ANTXRL: variants seen among roughly 807,000 people sequenced by gnomAD.
ANTXRL encodes anthrax toxin receptor-like.
ANTXRL carries 63 observed loss-of-function variants against 75.4 expected under a neutral mutation model. The observed-to-expected ratio is 0.84, with a 90% confidence interval of 0.68 to 1.03. ANTXRL has a LOEUF of 1.03. Among genes scored for constraint, ANTXRL ranks in the 50% least tolerant of loss-of-function variants. The pLI is 0.00. For synonymous variants in ANTXRL, 335 were observed against 291.3 expected (o/e 1.15, Z -1.53); for missense variants, 797 against 789.4 (o/e 1.01, Z -0.12).
intron 15 of ANTXRL, among the ~76,000 whole-genome samples, chr10:46,312,204 G>A (rs1226251274): frequency 6.6e-6 from 1 of 151,608 alleles, no homozygotes; most frequent in Non-Finnish European, 1.5e-5. Context: ...CACTGAGTGG[G>A]CTTGTCGCCT....
At chr10:46,293,595 CTTTGGGGT>C (rs1837187344) in intron 2 of ANTXRL, among the ~76,000 whole-genome samples, 1 of 124,318 alleles carries the variant, frequency 8.0e-6, no homozygotes, top group Non-Finnish European at 1.9e-5. Flanking sequence ...GTGCAAGTGT[CTTTGGGGT>C]GTTGGGAGTG....
At chr10:46,324,644 T>G (rs976950186) in intron 16 of ANTXRL, among the ~76,000 whole-genome samples, 1 of 152,174 alleles carries the variant, frequency 6.6e-6, no homozygotes, top group African/African-American at 2.4e-5. Context: ...AATAACCAGT[T>G]TGGACCTTTA....
intron 16 of ANTXRL, among the ~76,000 whole-genome samples, chr10:46,325,793 T>C (rs1278678801): frequency 1.3e-5 from 2 of 152,168 alleles, no homozygotes; most frequent in Admixed American, 6.5e-5. Flanking sequence ...GCATTTTCTC[T>C]AGCTCCTTTT....
At chr10:46,314,221 C>T (rs782354959) in intron 16 of ANTXRL, among the ~76,000 whole-genome samples, 4 of 152,136 alleles carry the variant, frequency 2.6e-5, no homozygotes, top group African/African-American at 7.2e-5. Flanking sequence ...CCCTGGGAGG[C>T]GTGCTGACAC....
Position 46,309,117 on chromosome 10 carries a change from T to C in ANTXRL, c.1049T>C (p.Ile350Thr), listed in dbSNP as rs1554962704. The stretch of plus-strand genomic sequence containing the variant: ...GGTGCTCTCTTTCTCCACCAGGGCA[T>C]TTTCCGCAACTGGCTCTATTTTGTG... The part of the protein sequence containing the change: ...NVSITSTTCG[I>T]FRNWLYFVPL... Residue 350 changes from isoleucine to threonine, a missense_variant, in exon 13 of 17, where the codon ATT (isoleucine) becomes ACT (threonine). Ile to Thr is a moderately conservative substitution (Grantham distance 89). Coordinates refer to ENST00000620264, the MANE Select transcript of ANTXRL (RefSeq NM_001278688.3). The C allele has an allele frequency of 3.9e-6, 6 of 1,529,128 alleles. No individual in the cohort carries two copies. The highest frequency in any genetic ancestry group is 5.2e-6 in the Non-Finnish European group (6 of 1,146,508). 94.7% of individuals were successfully genotyped at this position (1,529,128 alleles called of 1,614,324 possible).
chr10:46,314,945 A>G (rs1241120421), intron 16 of ANTXRL, among the ~76,000 whole-genome samples: 1 of 152,022 alleles, frequency 6.6e-6, no homozygotes, highest in Non-Finnish European at 1.5e-5. Flanking sequence ...TTCTGCGACA[A>G]CCTAATTTGA....
chr10:46,320,354 G>A (rs1838922482), intron 16 of ANTXRL, among the ~76,000 whole-genome samples: 1 of 152,132 alleles, frequency 6.6e-6, no homozygotes, highest in African/African-American at 2.4e-5. Flanking sequence ...AATGGAATAA[G>A]CACATTCTCT....
intron 7 of ANTXRL, 102 bp from the exon 8 acceptor site, chr10:46,297,729 G>T: frequency 9.2e-7 from 1 of 1,081,486 alleles, no homozygotes; most frequent in Non-Finnish European, 1.4e-6. Flanking sequence ...CTGACATTCT[G>T]CTGCCCCCAA....
chr10:46,292,216 G>C, intron 2 of ANTXRL, 87 bp downstream of exon 2: 1 of 1,295,480 alleles, frequency 7.7e-7, no homozygotes, highest in Non-Finnish European at 1.1e-6. Flanking sequence ...CATCAGATGG[G>C]GTGGGCGTGG....
Position 46,302,707 on chromosome 10 carries a change from A to G in ANTXRL, c.797-15A>G. 1 of 1,525,594 alleles carries G rather than the reference A, an allele frequency of 6.6e-7. No homozygotes were observed. The highest frequency in any genetic ancestry group is 2.4e-5 in the East Asian group (1 of 40,842). The allele number at this position is 1,525,594 out of a possible 1,614,324, so 94.5% of individuals were successfully genotyped here. A position where few individuals can be genotyped will look rare whatever the true frequency, so the allele number is the denominator to read the frequency against. On this transcript the variant is annotated splice_polypyrimidine_tract_variant and intron_variant, in intron 9 of 16. Coordinates refer to ENST00000620264, the MANE Select transcript of ANTXRL (RefSeq NM_001278688.3). The stretch of plus-strand genomic sequence containing the variant: ...TACTCTTCCTCACTCAGCCTTTTGA[A>G]TGTTGTCCTTGCAGAACCCTACCAT...
chr10:46,316,258 A>G (rs544680251), intron 16 of ANTXRL, among the ~76,000 whole-genome samples: 57 of 152,220 alleles, frequency 3.7e-4, no homozygotes, highest in Non-Finnish European at 4.4e-4. Context: ...ATCTCATTTC[A>G]TTCTCACAAC....
At chr10:46,312,743 C>T (rs1187792348) in intron 15 of ANTXRL, among the ~76,000 whole-genome samples, 4 of 149,012 alleles carry the variant, frequency 2.7e-5, no homozygotes, top group African/African-American at 9.9e-5. Flanking sequence ...GGCTGCCCGC[C>T]GTGGGTCCTG....
At chr10:46,326,592 G>GA (rs1554966557) in intron 16 of ANTXRL, among the ~76,000 whole-genome samples, 5 of 152,126 alleles carry the variant, frequency 3.3e-5, no homozygotes, top group African/African-American at 1.2e-4. Flanking sequence ...GCACTGACCA[G>GA]AAGCCAAGAT....
At chr10:46,308,167 C>T (rs1451527777) in intron 12 of ANTXRL, among the ~76,000 whole-genome samples, 4 of 152,164 alleles carry the variant, frequency 2.6e-5, no homozygotes, top group Non-Finnish European at 5.9e-5. Flanking sequence ...GAGGACACAC[C>T]AGTGTTGAGA....
chr10:46,295,906 C>T, intron 3 of ANTXRL, 113 bp from the exon 4 acceptor site: 1 of 868,606 alleles, frequency 1.2e-6, no homozygotes, highest in Non-Finnish European at 1.8e-6. Context: ...GCCTGGGCCC[C>T]TCCTTCATCC....
At chr10:46,291,392 A>ATTT (rs11395700) in intron 1 of ANTXRL, among the ~76,000 whole-genome samples, 68 of 149,722 alleles carry the variant, frequency 4.5e-4, no homozygotes, top group Admixed American at 1.2e-3. Context: ...TCTTTTTCAG[A>ATTT]TTTTTTTTTT....
At chr10:46,312,004 C>T (rs1463197910) in intron 15 of ANTXRL, among the ~76,000 whole-genome samples, 2 of 146,270 alleles carry the variant, frequency 1.4e-5, no homozygotes, top group Admixed American at 6.9e-5. Flanking sequence ...GCAGTGGCCC[C>T]TGGCTTTAGA....
rs184012629 is a variant in ANTXRL, at chr10:46,289,079, A to C, written c.248+1569A>C. On this transcript the variant is annotated intron_variant, in intron 1 of 16. Coordinates refer to ENST00000620264, the MANE Select transcript of ANTXRL (RefSeq NM_001278688.3). Reference sequence around the variant, plus strand: ...GACCACGCAGCTGGGCGGGACCCTGAGAAACTTGCGGTAATCCTCCAGGCA... The same window carrying C: ...GACCACGCAGCTGGGCGGGACCCTGCGAAACTTGCGGTAATCCTCCAGGCA... 2.7e-3 allele frequency among the ~76,000 whole-genome samples: 405 copies of C among 152,250 alleles called. 1 individual carries two copies. The highest frequency in any genetic ancestry group is 4.2e-3 in the Non-Finnish European group (287 of 68,016).
In ANTXRL at chr10:46,329,648, C is replaced by T. The variant is rs1749013570; in HGVS notation, c.1460C>T (p.Pro487Leu). 2.6e-6 allele frequency: 4 copies of T among 1,536,474 alleles called. No individual in the cohort carries two copies. The highest frequency in any genetic ancestry group is 3.5e-6 in the Non-Finnish European group (4 of 1,146,838). The part of the protein sequence containing the change: ...ALAQSQYAQA[P>L]CCPRICFPHS... ...GCACAGTCCCAATATGCACAGGCTCCCTGCTGCCCAAGGATCTGCTTTCCA... is the reference window on the plus strand; with the variant it reads ...GCACAGTCCCAATATGCACAGGCTCTCTGCTGCCCAAGGATCTGCTTTCCA... Residue 487 changes from proline to leucine, a missense_variant, in exon 17 of 17, where the codon CCC becomes CTC. Pro to Leu is a moderately conservative substitution (Grantham distance 98, BLOSUM62 -3). This residue lies in a region of ANTXRL where 479 missense variants were observed against 422.0 expected (regional missense o/e 1.14). Transcript: ENST00000620264.
Sources: gnomAD v4.1 joint callset for allele counts (sites outside exome capture counted in the v4.1 genomes callset) on GRCh38, gnomAD v4.1.1 for gene constraint, gnomAD v4.1.1 regional missense constraint, MANE v1.5 for transcripts, NCBI Gene and HGNC (gene_info 2026-07-23, HGNC 2026-07-21) for gene names.